The following STX8 variants were observed in gnomAD, a reference collection of about 807,000 sequenced individuals.
STX8 encodes syntaxin 8.
STX8 carries 23 observed loss-of-function variants against 37.5 expected under a neutral mutation model. That is an observed-to-expected ratio of 0.61 (90% CI 0.44 to 0.87). The LOEUF (loss-of-function observed/expected upper bound fraction) is 0.87. Among genes scored for constraint, STX8 ranks in the 40% least tolerant of loss-of-function variants. The probability of loss-of-function intolerance (pLI) is 0.00; values close to 1 mark genes in which losing one functional copy is unlikely to be tolerated. For missense variants in STX8, 313 were observed against 284.7 expected (o/e 1.10, Z -0.71); for synonymous variants, 115 against 99.1 (o/e 1.16, Z -0.95).
At chr17:9,324,157 A>ATACAC (rs1567783713) in intron 7 of STX8, among the ~76,000 whole-genome samples, 16 of 114,292 alleles carry the variant, frequency 1.4e-4, no homozygotes, top group African/African-American at 5.0e-4. Context: ...CACACACACA[A>ATACAC]ACACAAACAC....
intron 6 of STX8, among the ~76,000 whole-genome samples, chr17:9,461,761 T>C (rs1285141951): frequency 1.3e-5 from 2 of 152,096 alleles, no homozygotes; most frequent in African/African-American, 4.8e-5. Flanking sequence ...ATTATTATAA[T>C]ATATAATGAA....
intron 6 of STX8, among the ~76,000 whole-genome samples, chr17:9,489,753 A>G (rs973627043): frequency 1.4e-5 from 2 of 139,940 alleles, no homozygotes; most frequent in Non-Finnish European, 3.0e-5. Flanking sequence ...CAGTGGCACA[A>G]TCTCGGCTCA....
chr17:9,367,449 A>G (rs1911263888), intron 7 of STX8, among the ~76,000 whole-genome samples: 1 of 152,096 alleles, frequency 6.6e-6, no homozygotes, highest in South Asian at 2.1e-4. Flanking sequence ...CTGGGCCTCA[A>G]ATAACCCTCC....
chr17:9,254,457 G>A (rs899905194), intron 7 of STX8, among the ~76,000 whole-genome samples: 8 of 151,604 alleles, frequency 5.3e-5, no homozygotes, highest in African/African-American at 1.9e-4. Context: ...GTGCGGTGAC[G>A]TGATCTTGGC....
chr17:9,269,459 T>C (rs1907370782), intron 7 of STX8, among the ~76,000 whole-genome samples: 1 of 152,206 alleles, frequency 6.6e-6, no homozygotes, highest in Non-Finnish European at 1.5e-5. Flanking sequence ...GACGTGTGTA[T>C]CACATGCCAT....
rs564643444 is a variant in STX8 at position 9,558,912 on chromosome 17, G to C, written c.118-1384C>G. Among the ~76,000 whole-genome samples, 3 of 151,664 alleles carry C rather than the reference G, an allele frequency of 2.0e-5. No homozygotes were observed. The South Asian group carries it at 6.2e-4, about 32-fold the overall frequency. On this transcript the variant is annotated intron_variant, in intron 2 of 7. Transcript: ENST00000306357. ...ACGAAGAGGAGTCCACAAAATCAAA[G>C]ACAAAAGCATTTGGGAGATGAAAGA...
chr17:9,305,738 CTTTTTTTTTTTTT>C (rs751052478), intron 7 of STX8: 1 of 84,360 alleles, frequency 1.2e-5, no homozygotes, highest in Admixed American at 1.5e-4. Flanking sequence ...ACAGGTGCAT[CTTTTTTTTTTTTT>C]TTTTTTTTTT....
At chr17:9,486,259 T>A (rs1381051962) in intron 6 of STX8, among the ~76,000 whole-genome samples, 1 of 152,028 alleles carries the variant, frequency 6.6e-6, no homozygotes, top group Non-Finnish European at 1.5e-5. Flanking sequence ...ATTCCAGGGA[T>A]AGGATAGAGA....
chr17:9,266,081 G>A (rs1024482065), intron 7 of STX8, among the ~76,000 whole-genome samples: 60 of 152,238 alleles, frequency 3.9e-4, no homozygotes, highest in African/African-American at 1.4e-3. Flanking sequence ...CTTCCTACAC[G>A]CCATCAGGAA....
At chr17:9,518,984 A>G (rs1905241464) in intron 4 of STX8, among the ~76,000 whole-genome samples, 1 of 152,090 alleles carries the variant, frequency 6.6e-6, no homozygotes, top group Non-Finnish European at 1.5e-5. Flanking sequence ...ATTCTGAACT[A>G]GGGGTGGGGA....
chr17:9,465,457 G>C (rs1019946220), intron 6 of STX8, among the ~76,000 whole-genome samples: 1 of 152,106 alleles, frequency 6.6e-6, no homozygotes, highest in Non-Finnish European at 1.5e-5. Context: ...AGTGAACCCT[G>C]ACTAGCCAAT....
At chr17:9,327,860 CCCTT>C in intron 7 of STX8, among the ~76,000 whole-genome samples, 1 of 151,862 alleles carries the variant, frequency 6.6e-6, no homozygotes, top group Middle Eastern at 3.4e-3. Flanking sequence ...CTTCCTTCCT[CCCTT>C]CCTCTCTTTT....
intron 7 of STX8, among the ~76,000 whole-genome samples, chr17:9,315,235 C>G (rs971337224): frequency 1.4e-4 from 21 of 151,916 alleles, no homozygotes; most frequent in Non-Finnish European, 2.5e-4. Context: ...CATTATACCC[C>G]CTCCCTCACT....
At chr17:9,453,462 C>G (rs1216177693) in intron 6 of STX8, among the ~76,000 whole-genome samples, 1 of 148,554 alleles carries the variant, frequency 6.7e-6, no homozygotes, top group Non-Finnish European at 1.5e-5. Context: ...TTCAAGAGCA[C>G]TTTATACCTC....
intron 2 of STX8, among the ~76,000 whole-genome samples, chr17:9,566,248 A>G (rs1907455053): frequency 6.6e-6 from 1 of 152,246 alleles, no homozygotes; most frequent in Non-Finnish European, 1.5e-5. Flanking sequence ...TCGAAACCAC[A>G]ATGAGATACC....
intron 7 of STX8, among the ~76,000 whole-genome samples, chr17:9,288,102 G>T (rs575087068): frequency 8.5e-6 from 1 of 118,330 alleles, no homozygotes; most frequent in Non-Finnish European, 1.7e-5. Flanking sequence ...TGACAAGGGG[G>T]GGGGGGGGGA....
intron 6 of STX8, among the ~76,000 whole-genome samples, chr17:9,415,617 A>C (rs1913160544): frequency 1.3e-5 from 2 of 152,182 alleles, no homozygotes; most frequent in Admixed American, 1.3e-4. Context: ...AAAATACAAA[A>C]AATTAGCCGG....
At chr17:9,328,771 C>T (rs559506475) in intron 7 of STX8, among the ~76,000 whole-genome samples, 14 of 152,164 alleles carry the variant, frequency 9.2e-5, no homozygotes, top group African/African-American at 2.6e-4. Flanking sequence ...TGGCTGAGGC[C>T]GGATGCGGTG....
At chr17:9,252,304 C>T (rs561874040) in intron 7 of STX8, among the ~76,000 whole-genome samples, 4 of 152,212 alleles carry the variant, frequency 2.6e-5, no homozygotes, top group East Asian at 3.9e-4. Context: ...ATTAGCCTGG[C>T]GTGGTGGCAG....
Sources: gnomAD v4.1 joint callset for allele counts (sites outside exome capture counted in the v4.1 genomes callset) on GRCh38, gnomAD v4.1.1 for gene constraint, MANE v1.5 for transcripts, NCBI Gene and HGNC (gene_info 2026-07-23, HGNC 2026-07-21) for gene names.